The following TTN variants were observed in gnomAD, a reference collection of about 807,000 sequenced individuals.
TTN encodes connectin.
TTN carries 1,525 observed loss-of-function variants against 3,223.0 expected under a neutral mutation model. That is an observed-to-expected ratio of 0.47 (90% CI 0.45 to 0.49). TTN has a LOEUF of 0.49. TTN is among the 20% of genes least tolerant of loss of function. The pLI, the probability that TTN is intolerant of heterozygous loss-of-function variation, is 0.00. For missense variants in TTN, 40,786 were observed against 43,424.0 expected, an observed-to-expected ratio of 0.94 and a Z score of 5.40; for synonymous variants, 14,094 against 15,161.0, an observed-to-expected ratio of 0.93 and a Z score of 5.17.
chr2:178,585,967 T>C (rs2048858343), intron 308 of TTN, among the ~76,000 whole-genome samples: 1 of 152,070 alleles, frequency 6.6e-6, no homozygotes, highest in Admixed American at 6.6e-5. Context: ...AGTAATGAGA[T>C]TGCTGGGTCA....
intron 223 of TTN, 126 bp downstream of exon 223, chr2:178,639,573 T>C (rs887865197): frequency 6.1e-6 from 6 of 989,644 alleles, no homozygotes; most frequent in Non-Finnish European, 9.3e-6. Flanking sequence ...AAACTTACCA[T>C]AAACCTCCGA....
chr2:178,646,983 A>G (rs2062098326), intron 215 of TTN, 81 bp downstream of exon 215: 1 of 471,036 alleles, frequency 2.1e-6, no homozygotes, highest in Non-Finnish European at 3.3e-6. Flanking sequence ...AAGAAGGAAT[A>G]TTGTCCTGTA....
chr2:178,746,717 C>G (rs558321877), intron 47 of TTN: 1 of 1,613,298 alleles, frequency 6.2e-7, no homozygotes, highest in Non-Finnish European at 8.5e-7. Flanking sequence ...CATTTTGATT[C>G]TTTCATCTGG....
In TTN at chr2:178,541,596, C is replaced by G; in HGVS notation, c.97493-12G>C. 1.3e-6 allele frequency: 2 copies of G among 1,596,828 alleles called. No individual in the cohort carries two copies. The highest frequency in any genetic ancestry group is 1.7e-6 in the Non-Finnish European group (2 of 1,170,186). On this transcript the variant is annotated splice_polypyrimidine_tract_variant and intron_variant, in intron 349 of 362. Coordinates refer to ENST00000589042, the MANE Select transcript of TTN (RefSeq NM_001267550.2). ...GGGTCCAGGAATACCTGCAGCAAGA[C>G]AGAGGTTAACACGATATGGCAATAT...
chr2:178,733,077 C>T lies in TTN; in HGVS notation c.16099G>A (p.Asp5367Asn). Residue 5367 changes from aspartate to asparagine, a missense_variant, in exon 55 of 363, where the codon GAT (aspartate) becomes AAT (asparagine). Physicochemically the swap from Asp to Asn is conservative, Grantham distance 23. Coordinates refer to ENST00000589042, the MANE Select transcript of TTN (RefSeq NM_001267550.2). ...PFFTKPLRNV[D>N]SVVNGTCRLD... Reference sequence around the variant, plus strand: ...CTGCAGGTACCATTAACAACACTATCCACGTTGCGCAAGGGTTTGGTAAAA... The same window carrying T: ...CTGCAGGTACCATTAACAACACTATTCACGTTGCGCAAGGGTTTGGTAAAA... The T allele has an allele frequency of 6.2e-7, 1 of 1,607,944 alleles. No homozygotes were observed. Among genetic ancestry groups the T allele is most frequent in the Non-Finnish European group, 8.5e-7 (1 of 1,176,280 alleles).
At chr2:178,763,927 AAC>A (rs2089845807) in intron 43 of TTN, among the ~76,000 whole-genome samples, 1 of 42,794 alleles carries the variant, frequency 2.3e-5, no homozygotes, top group Non-Finnish European at 6.0e-5. Context: ...ATTAGTGAAA[AAC>A]ACTAATTTTT....
chr2:178,566,459 T>A lies in TTN; in HGVS notation c.79673A>T (p.Glu26558Val), dbSNP rs1026820295. The change falls in exon 326 of 363, where the codon GAG becomes GTG. Residue 26558 changes from glutamate (E) to valine (V), a missense_variant. Physicochemically the swap from Glu to Val is moderately radical, Grantham distance 121. Transcript: ENST00000589042. ...GAGGGCACAGACTCGTATTTTATAC[T>A]CTTGGTGTTCAGTGAGTTTTGAAAT... Reference protein sequence around the residue: ...FEISKLTEHQEYKIRVCALNK... With the variant: ...FEISKLTEHQVYKIRVCALNK... 1.2e-6 allele frequency: 2 copies of A among 1,613,528 alleles called. No individual in the cohort carries two copies.
intron 132 of TTN, 79 bp from the exon 133 acceptor site, chr2:178,684,161 A>G: frequency 6.8e-7 from 1 of 1,474,986 alleles, no homozygotes; most frequent in Non-Finnish European, 9.4e-7. Context: ...TAGTAGCCCA[A>G]ACATAAACAC....
Position 178,570,462 on chromosome 2 carries a change from G to T in TTN, c.75670C>A (p.Leu25224Ile). Reference protein sequence around the residue: ...ISGVTAEKCTLAWKPPLQDGG... With the variant: ...ISGVTAEKCTIAWKPPLQDGG... ...TCCTGAAGTGGGGGTTTCCAAGCTA[G>T]TGTGCATTTTTCTGCTGTAACTCCT... The change falls in exon 326 of 363, where the codon CTA becomes ATA. Residue 25224 changes from leucine to isoleucine, a missense_variant. By Grantham distance (5) the Leu-to-Ile change is conservative. Coordinates refer to ENST00000589042, the MANE Select transcript of TTN (RefSeq NM_001267550.2). 3.1e-6 allele frequency: 5 copies of T among 1,613,234 alleles called. No homozygotes were observed. The highest frequency in any genetic ancestry group is 4.2e-6 in the Non-Finnish European group (5 of 1,179,580).
chr2:178,712,185 C>T lies in TTN; in HGVS notation c.27645G>A (p.Lys9215=), dbSNP rs768260006. 1 of 1,613,700 alleles carries T rather than the reference C, an allele frequency of 6.2e-7. No homozygotes were observed. The highest frequency in any genetic ancestry group is 1.1e-5 in the South Asian group (1 of 91,056). The change falls in exon 96 of 363, where the codon AAG becomes AAA. Residue 9215 remains lysine (K), a synonymous_variant. Transcript: ENST00000589042. The part of the protein sequence containing the change: ...PYFVKQLEPV[K]VSVGDSASLQ... ...GAGAGGCAGAATCTCCAACAGACAC[C>T]TTAACCGGCTCCAACTGCTTGACAA...
At chr2:178,541,092 GA>G in intron 350 of TTN, 189 bp downstream of exon 350, 1 of 466,902 alleles carries the variant, frequency 2.1e-6, no homozygotes, top group Non-Finnish European at 3.5e-6. Context: ...CTGGGGTGGG[GA>G]AGGGACTGAT....
rs1489789000 is a variant in TTN, at chr2:178,688,798, T to C, written c.32096-20A>G. On this transcript the variant is annotated intron_variant, in intron 125 of 362. Coordinates refer to ENST00000589042, the MANE Select transcript of TTN (RefSeq NM_001267550.2). The stretch of plus-strand genomic sequence containing the variant: ...CTTCAGCTTTAAGAAAGTGTTAAAG[T>C]TGAAGTTTAAAATCAAGAATTTTAA... The C allele has an allele frequency of 4.5e-6, 7 of 1,558,072 alleles. No homozygotes were observed. Among genetic ancestry groups the C allele is most frequent in the Admixed American group, 1.7e-5 (1 of 59,406 alleles).
In TTN at chr2:178,629,283, G is replaced by A; in HGVS notation, c.44424+18C>T. The A allele has an allele frequency of 1.9e-6, 3 of 1,610,610 alleles. No homozygotes were observed. Among genetic ancestry groups the A allele is most frequent in the Non-Finnish European group, 2.5e-6 (3 of 1,178,332 alleles). On this transcript the variant is annotated intron_variant, in intron 240 of 362. Transcript: ENST00000589042. ...TCCAGAAAAAGAACGGGAAAGACAA[G>A]GCATGCCTGCTTTTTACCTTATCGC...
At chr2:178,713,748 C>T (rs1339461091) in intron 92 of TTN, 149 bp downstream of exon 92, 2 of 1,042,992 alleles carry the variant, frequency 1.9e-6, no homozygotes, top group African/African-American at 1.6e-5. Context: ...TCTTCTAATT[C>T]TACAGATGGT....
rs1470590917 is a variant in TTN at position 178,608,343 on chromosome 2, T to G, written c.52540A>C (p.Thr17514Pro). The change falls in exon 275 of 363, where the codon ACA becomes CCA. Residue 17514 changes from threonine to proline, a missense_variant. By Grantham distance (38) the Thr-to-Pro change is conservative (BLOSUM62 -1). Coordinates refer to ENST00000589042, the MANE Select transcript of TTN (RefSeq NM_001267550.2). ...CTTTTGTTGACACGAGACCAATGTG[T>G]ACTGTTAACTTCACGTTTTTCAAGC... ...YWLEKREVNS[T>P]HWSRVNKSLL... The G allele has an allele frequency of 6.2e-7, 1 of 1,612,252 alleles. No homozygotes were observed.
At position 178,561,473 on chromosome 2, in the gene TTN, T is replaced by C; in HGVS notation, c.84659A>G (p.Asp28220Gly). The C allele has an allele frequency of 6.2e-7, 1 of 1,613,792 alleles. No individual in the cohort carries two copies. Among genetic ancestry groups the C allele is most frequent in the Non-Finnish European group, 8.5e-7 (1 of 1,179,768 alleles). ...ACGATACTCATACATCAGTCCTTCATCAAGGCCGGAGACTTTCATTTGAGT... is the reference window on the plus strand; with the variant it reads ...ACGATACTCATACATCAGTCCTTCACCAAGGCCGGAGACTTTCATTTGAGT... ...ADTQMKVSGL[D>G]EGLMYEYRVY... Residue 28220 changes from aspartate to glycine, a missense_variant, in exon 326 of 363, where the codon GAT becomes GGT. Coordinates refer to ENST00000589042, the MANE Select transcript of TTN (RefSeq NM_001267550.2).
Position 178,637,420 on chromosome 2 carries a change from C to A in TTN, c.40877-1G>T. ...GCCTCTTCCTTAGGTGCTTTGGCTTCTGAAATAAAAATAAAACTCAGCATT... is the reference window on the plus strand; with the variant it reads ...GCCTCTTCCTTAGGTGCTTTGGCTTATGAAATAAAAATAAAACTCAGCATT... On this transcript the variant is annotated splice_acceptor_variant, in intron 223 of 362. Transcript: ENST00000589042. LOFTEE classifies it high-confidence loss of function. The A allele has an allele frequency of 6.8e-7, 1 of 1,475,008 alleles. No homozygotes were observed. The highest frequency in any genetic ancestry group is 9.0e-7 in the Non-Finnish European group (1 of 1,115,038). 91.4% of individuals were successfully genotyped at this position (1,475,008 alleles called of 1,614,324 possible).
Position 178,566,492 on chromosome 2 carries a change from C to T in TTN, c.79640G>A (p.Arg26547Gln), listed in dbSNP as rs771534555. 42 of 1,613,308 alleles carry T rather than the reference C, an allele frequency of 2.6e-5. No individual in the cohort carries two copies. Among genetic ancestry groups the T allele is most frequent in the African/African-American group, 6.7e-5 (5 of 74,876 alleles). The change falls in exon 326 of 363, where the codon CGA becomes CAA. Residue 26547 changes from arginine (R) to glutamine (Q), a missense_variant. Physicochemically the swap from Arg to Gln is conservative, Grantham distance 43 (BLOSUM62 1). Coordinates refer to ENST00000589042, the MANE Select transcript of TTN (RefSeq NM_001267550.2). Reference sequence around the variant, plus strand: ...TTCAGTGAGTTTTGAAATTTCAAATCGAGTGACTCTCAGGCCAGTCTGTGG... The same window carrying T: ...TTCAGTGAGTTTTGAAATTTCAAATTGAGTGACTCTCAGGCCAGTCTGTGG... ...VTPQTGLRVTRFEISKLTEHQ... is the reference protein window; with the variant it reads ...VTPQTGLRVTQFEISKLTEHQ...
intron 71 of TTN, 114 bp downstream of exon 71, chr2:178,725,254 T>C (rs2079131359): frequency 1.7e-6 from 2 of 1,158,810 alleles, no homozygotes; most frequent in African/African-American, 1.6e-5. Flanking sequence ...ACCTTTCAAA[T>C]AGATGAGGAT....
Sources: gnomAD v4.1 joint callset for allele counts (sites outside exome capture counted in the v4.1 genomes callset) on GRCh38, gnomAD v4.1.1 for gene constraint, MANE v1.5 for transcripts, NCBI Gene and HGNC (gene_info 2026-07-23, HGNC 2026-07-21) for gene names.